Variants in DGLUCY observed in about 807,000 individuals in gnomAD.
DGLUCY encodes D-glutamate cyclase.
Under a neutral mutation model 58.5 loss-of-function variants are expected in DGLUCY, and 58 were observed. The ratio of observed to expected loss-of-function variants is 0.99; its 90% CI spans 0.80 to 1.23. The LOEUF (loss-of-function observed/expected upper bound fraction) is 1.23. Ranked by LOEUF, DGLUCY falls within the 50% of genes most tolerant of loss-of-function variation. The pLI, the probability that DGLUCY is intolerant of heterozygous loss-of-function variation, is 0.00. For missense variants in DGLUCY, 779 were observed against 784.7 expected (o/e 0.99, Z 0.09); for synonymous variants, 325 against 314.1 (o/e 1.03, Z -0.37).
At chr14:91,076,336 A>G (rs569463227) in intron 1 of DGLUCY, among the ~76,000 whole-genome samples, 39 of 152,308 alleles carry the variant, frequency 2.6e-4, no homozygotes, top group Non-Finnish European at 4.6e-4. Context: ...TAACCTGTGC[A>G]CATCCTCTCA....
rs1194090963 is a variant in DGLUCY, at chr14:91,108,526, T to TGAGAGAGAGAGAGAGAGA, written c.-82+482_-82+499dup. On this transcript the variant is annotated intron_variant, in intron 1 of 4. Coordinates refer to the DGLUCY transcript ENST00000518871. ...GTGTGTGTGTGTGTGTGTGTGTGTGTGAGAGAGAGAGAGAGAGAGAGAGAG... is the reference window on the plus strand; with the variant it reads ...GTGTGTGTGTGTGTGTGTGTGTGTGTGAGAGAGAGAGAGAGAGAGAGAGAGAGAGAGAGAGAGAGAGAG... Among the ~76,000 whole-genome samples, 33 of 52,174 alleles carry TGAGAGAGAGAGAGAGAGA rather than the reference T, an allele frequency of 6.3e-4. 1 individual carries two copies. Among genetic ancestry groups the TGAGAGAGAGAGAGAGAGA allele is most frequent in the Non-Finnish European group, 6.8e-4 (18 of 26,634 alleles). The allele number at this position is 52,174 out of a possible 152,430, so 34.2% of individuals were successfully genotyped here.
intron 12 of DGLUCY, among the ~76,000 whole-genome samples, chr14:91,208,952 A>C (rs917092483): frequency 1.3e-5 from 2 of 152,224 alleles, no homozygotes; most frequent in Non-Finnish European, 2.9e-5. Flanking sequence ...TTACATGCTA[A>C]GAAAGGAGAG....
intron 12 of DGLUCY, among the ~76,000 whole-genome samples, chr14:91,209,148 T>C (rs967220907): frequency 6.6e-6 from 1 of 151,712 alleles, no homozygotes; most frequent in Non-Finnish European, 1.5e-5. Context: ...CTCCCATCTC[T>C]ACTAAAATAC....
intron 1 of DGLUCY, among the ~76,000 whole-genome samples, chr14:91,152,119 G>T (rs1306156394): frequency 1.3e-5 from 2 of 152,200 alleles, no homozygotes; most frequent in African/African-American, 4.8e-5. Flanking sequence ...AGGTGTTGTG[G>T]CTCATGCCTG....
chr14:91,109,283 A>G (rs1327303002), upstream of DGLUCY, among the ~76,000 whole-genome samples: 2 of 152,090 alleles, frequency 1.3e-5, no homozygotes, highest in Non-Finnish European at 2.9e-5. Context: ...CTCCATTCCA[A>G]CAGGCACCAT....
intron 1 of DGLUCY, among the ~76,000 whole-genome samples, chr14:91,097,946 C>T (rs1377160147): frequency 2.0e-5 from 3 of 152,156 alleles, no homozygotes; most frequent in Admixed American, 6.5e-5. Context: ...AACCAGCTTT[C>T]TGGAAGAAAA....
At chr14:91,072,364 A>G (rs139218237) in intron 1 of DGLUCY, among the ~76,000 whole-genome samples, 5 of 152,058 alleles carry the variant, frequency 3.3e-5, no homozygotes, top group Non-Finnish European at 7.4e-5. Context: ...AGCTTTTTAA[A>G]ACAGACACGA....
intron 1 of DGLUCY, among the ~76,000 whole-genome samples, chr14:91,061,694 G>A (rs2043689883): frequency 6.6e-6 from 1 of 152,216 alleles, no homozygotes; most frequent in South Asian, 2.1e-4. Context: ...AGCAGAGAAG[G>A]CAAGGGTGGG....
intron 3 of DGLUCY, among the ~76,000 whole-genome samples, chr14:91,166,034 T>C (rs2048264432): frequency 6.6e-6 from 1 of 152,202 alleles, no homozygotes; most frequent in African/African-American, 2.4e-5. Context: ...TGCAACAATA[T>C]GAATGAATCT....
At chr14:91,223,432 C>T (rs1329797107) in intron 13 of DGLUCY, among the ~76,000 whole-genome samples, 3 of 152,080 alleles carry the variant, frequency 2.0e-5, no homozygotes, top group Admixed American at 2.0e-4. Flanking sequence ...TCACCTCCTG[C>T]CTTTGTTGTG....
Position 91,086,065 on chromosome 14 carries a change from T to C in DGLUCY, c.-82+25361T>C, listed in dbSNP as rs1307773536. On this transcript the variant is annotated intron_variant, in intron 1 of 4. Transcript: ENST00000521334. ...GTGGCATTCGATTCTCAGGGGAGCATGAACCCTATTGTGAACTGCGCATGT... is the reference window on the plus strand; with the variant it reads ...GTGGCATTCGATTCTCAGGGGAGCACGAACCCTATTGTGAACTGCGCATGT... Among the ~76,000 whole-genome samples, 3 of 152,294 alleles carry C rather than the reference T, an allele frequency of 2.0e-5. 1 individual carries two copies. The highest frequency in any genetic ancestry group is 3.9e-4 in the East Asian group (2 of 5,184).
upstream of DGLUCY, among the ~76,000 whole-genome samples, chr14:91,111,198 A>ATG (rs1201886405): frequency 0.063 from 2,065 of 32,572 alleles, 29 homozygotes; most frequent in Middle Eastern, 0.13. Flanking sequence ...TTTTATTTAT[A>ATG]TATATGTGTG....
rs1203220940 is a variant in DGLUCY at position 91,189,087 on chromosome 14, C to G, written c.1112C>G (p.Ala371Gly). The G allele has an allele frequency of 1.7e-5, 27 of 1,614,024 alleles. No individual in the cohort carries two copies. Among genetic ancestry groups the G allele is most frequent in the Non-Finnish European group, 2.1e-5 (25 of 1,180,040 alleles). Residue 371 changes from alanine to glycine, a missense_variant, in exon 9 of 14, where the codon GCC becomes GGC. Transcript: ENST00000256324. ...GTTGCTCTGGTTGCCTTCCTGCAGG[C>G]CTTGGAGAAGGAGGTCGCCATAATC... ...GAVALVAFLQ[A>G]LEKEVAIIVD...
At chr14:91,197,862 A>G (rs759374191) in intron 10 of DGLUCY, among the ~76,000 whole-genome samples, 2 of 152,190 alleles carry the variant, frequency 1.3e-5, no homozygotes, top group Admixed American at 1.3e-4. Flanking sequence ...GCATGGGTGG[A>G]CAAATAACTC....
chr14:91,157,559 G>T (rs2047735654), intron 1 of DGLUCY, 80 bp from the exon 2 acceptor site: 1 of 152,170 alleles, frequency 6.6e-6, no homozygotes, highest in South Asian at 2.1e-4. Flanking sequence ...ACCATATATG[G>T]TGGTAGTTGC....
intron 5 of DGLUCY, among the ~76,000 whole-genome samples, chr14:91,171,625 G>T (rs530959949): frequency 6.6e-6 from 1 of 152,228 alleles, no homozygotes; most frequent in African/African-American, 2.4e-5. Context: ...TCCTGCTGCC[G>T]CCAGGGTGGT....
chr14:91,063,901 C>T (rs565657870), intron 1 of DGLUCY, among the ~76,000 whole-genome samples: 4 of 152,240 alleles, frequency 2.6e-5, no homozygotes, highest in South Asian at 4.2e-4. Context: ...TTGGAGACTG[C>T]GCTGGAGAAG....
At chr14:91,215,107 C>G (rs934490179) in intron 12 of DGLUCY, among the ~76,000 whole-genome samples, 1 of 152,156 alleles carries the variant, frequency 6.6e-6, no homozygotes, top group African/African-American at 2.4e-5. Flanking sequence ...CGAGATCGCA[C>G]CACTACACTC....
Position 91,196,472 on chromosome 14 carries a change from T to C in DGLUCY, c.1293T>C (p.Pro431=), listed in dbSNP as rs2050216714. 1 of 1,613,208 alleles carries C rather than the reference T, an allele frequency of 6.2e-7. No individual in the cohort carries two copies. The highest frequency in any genetic ancestry group is 8.5e-7 in the Non-Finnish European group (1 of 1,179,340). ...FLCKNGDPQT[P]RFDHLVAIER... ...GCAAAAATGGGGACCCGCAGACACC[T>C]AGGTACGTATGTCGCATCCCAGTTT... The change falls in exon 10 of 14, where the codon CCT becomes CCC. Residue 431 remains proline (P), a splice_region_variant and synonymous_variant. Coordinates refer to ENST00000256324, the MANE Select transcript of DGLUCY (RefSeq NM_001102368.3).
Sources: gnomAD v4.1 joint callset for allele counts (sites outside exome capture counted in the v4.1 genomes callset) on GRCh38, gnomAD v4.1.1 for gene constraint, MANE v1.5 for transcripts, NCBI Gene and HGNC (gene_info 2026-07-23, HGNC 2026-07-21) for gene names.